The following KLK5 variants were observed in gnomAD, a reference collection of about 807,000 sequenced individuals.
The protein encoded by KLK5 is kallikrein-5.
Under a neutral mutation model 24.0 loss-of-function variants are expected in KLK5, and 18 were observed. The ratio of observed to expected loss-of-function variants is 0.75; its 90% CI spans 0.52 to 1.11. KLK5 has a LOEUF of 1.11. KLK5 is among the 50% of genes most tolerant of loss of function. The pLI, the probability that KLK5 is intolerant of heterozygous loss-of-function variation, is 0.00. For missense variants in KLK5, 374 were observed against 379.2 expected (o/e 0.99, Z 0.11); for synonymous variants, 140 against 154.0 (o/e 0.91, Z 0.67).
Position 50,950,106 on chromosome 19 carries a change from G to A in KLK5, c.84C>T (p.Leu28=), listed in dbSNP as rs373002910. ...ALLLGVTEHV[L]ANNDVSCDHP... Reference sequence around the variant, plus strand: ...GGTCACAGGAAACATCATTGTTGGCGAGAACATGCTCTGGGAACGGAAAAT... The same window carrying A: ...GGTCACAGGAAACATCATTGTTGGCAAGAACATGCTCTGGGAACGGAAAAT... Residue 28 remains leucine (L), a synonymous_variant, in exon 3 of 6, where the codon CTC becomes CTT. Coordinates refer to ENST00000336334, the MANE Select transcript of KLK5 (RefSeq NM_012427.5). 6 of 1,609,496 alleles carry A rather than the reference G, an allele frequency of 3.7e-6. No individual in the cohort carries two copies. Among genetic ancestry groups the A allele is most frequent in the African/African-American group, 1.3e-5 (1 of 74,964 alleles).
rs142427219 is a variant in KLK5 at position 50,945,782 on chromosome 19, C to T, written c.727-1996G>A. On this transcript the variant is annotated intron_variant, in intron 5 of 5. Transcript: ENST00000336334. The stretch of plus-strand genomic sequence containing the variant: ...CTCCAGCCTGGGTGACAGAGCGAGA[C>T]TCCGTCTCAAAAAAGAAAAGAAAAG... 3.3e-4 allele frequency among the ~76,000 whole-genome samples: 22 copies of T among 65,976 alleles called. No homozygotes were observed. In the East Asian group the frequency reaches 0.072, roughly 217 times the overall value. 43.3% of individuals were successfully genotyped at this position (65,976 alleles called of 152,430 possible).
At chr19:50,950,849 G>T in intron 2 of KLK5, among the ~76,000 whole-genome samples, 1 of 128,866 alleles carries the variant, frequency 7.8e-6, no homozygotes. Context: ...CCGAGATCAC[G>T]CCACTGCACT....
rs2123564154 is a variant in KLK5 at position 50,947,885 on chromosome 19, C to A, written c.726+755G>T. Reference sequence around the variant, plus strand: ...ATCTTTCCCTCTAGATCCGTGCCATCCAATACAGTAACTGCTAGCCACATG... The same window carrying A: ...ATCTTTCCCTCTAGATCCGTGCCATACAATACAGTAACTGCTAGCCACATG... On this transcript the variant is annotated intron_variant, in intron 5 of 5. Coordinates refer to ENST00000336334, the MANE Select transcript of KLK5 (RefSeq NM_012427.5). This position sits in a 1 kb window ranked among gnomAD's most constrained non-coding sequence, Gnocchi z 8.7. Among the ~76,000 whole-genome samples, 1 of 152,270 alleles carries A rather than the reference C, an allele frequency of 6.6e-6. No homozygotes were observed. Among genetic ancestry groups the A allele is most frequent in the South Asian group, 2.1e-4 (1 of 4,826 alleles).
rs2090657129 is a variant in KLK5, at chr19:50,948,739, G to A, written c.627C>T (p.Ile209=). The A allele has an allele frequency of 6.2e-7, 1 of 1,614,018 alleles. No individual in the cohort carries two copies. Among genetic ancestry groups the A allele is most frequent in the African/African-American group, 1.3e-5 (1 of 74,918 alleles). The change falls in exon 5 of 6, where the codon ATC becomes ATT. Residue 209 remains isoleucine (I), a synonymous_variant. Transcript: ENST00000336334. ...HFPKVLQCLN[I]SVLSQKRCED... ...CGCACCTTTTCTGACTTAGCACGCT[G>A]ATATTCAAGCACTGGAGGACCTTAG...
chr19:50,946,140 C>G (rs1485480279), intron 5 of KLK5, among the ~76,000 whole-genome samples: 1 of 152,262 alleles, frequency 6.6e-6, no homozygotes, highest in Non-Finnish European at 1.5e-5. Flanking sequence ...GCTGCCTGTA[C>G]CTCTAAATTT....
Position 50,947,536 on chromosome 19 carries a change from T to C in KLK5, c.726+1104A>G, listed in dbSNP as rs186945248. On this transcript the variant is annotated intron_variant, in intron 5 of 5. Coordinates refer to ENST00000336334, the MANE Select transcript of KLK5 (RefSeq NM_012427.5). The surrounding 1 kb of genome is among the most constrained non-coding windows in gnomAD (Gnocchi z 8.7). Reference sequence around the variant, plus strand: ...GGTTAACCTTTACCACTCTCTGAAATTGCCCTATTTATGCAGATTCTTGAC... The same window carrying C: ...GGTTAACCTTTACCACTCTCTGAAACTGCCCTATTTATGCAGATTCTTGAC... Among the ~76,000 whole-genome samples, 1 of 152,294 alleles carries C rather than the reference T, an allele frequency of 6.6e-6. No homozygotes were observed. Among genetic ancestry groups the C allele is most frequent in the African/African-American group, 2.4e-5 (1 of 41,556 alleles).
chr19:50,944,340 T>A (rs1216386109), intron 5 of KLK5, among the ~76,000 whole-genome samples: 1 of 152,106 alleles, frequency 6.6e-6, no homozygotes, highest in East Asian at 1.9e-4. Context: ...TTTGTCACTC[T>A]CCACTCCATC....
chr19:50,951,280 T>C (rs2090685558), intron 2 of KLK5, among the ~76,000 whole-genome samples: 2 of 152,042 alleles, frequency 1.3e-5, no homozygotes, highest in Admixed American at 1.3e-4. Flanking sequence ...TTTTTTTCTT[T>C]TTTTCTTTCG....
At chr19:50,951,667 C>T (rs1185200208) in intron 2 of KLK5, among the ~76,000 whole-genome samples, 1 of 152,328 alleles carries the variant, frequency 6.6e-6, no homozygotes, top group East Asian at 1.9e-4. Flanking sequence ...CAAGCACGCA[C>T]GCAGTTCTGC....
intron 5 of KLK5, among the ~76,000 whole-genome samples, chr19:50,946,979 G>T (rs971195492): frequency 2.0e-5 from 3 of 148,470 alleles, no homozygotes; most frequent in Admixed American, 1.3e-4. Context: ...TGTACAATTT[G>T]GGGGGAGCTT....
intron 2 of KLK5, 40 bp from the exon 3 acceptor site, chr19:50,950,156 G>T (rs1181312021): frequency 4.4e-6 from 7 of 1,588,058 alleles, no homozygotes; most frequent in African/African-American, 4.0e-5. Flanking sequence ...TCAGAGGCGG[G>T]GCTTGGGCTG....
intron 3 of KLK5, among the ~76,000 whole-genome samples, chr19:50,949,381 C>T (rs1224214969): frequency 1.3e-5 from 2 of 151,670 alleles, no homozygotes; most frequent in Non-Finnish European, 2.9e-5. Flanking sequence ...CCATCTCCAA[C>T]CCCACCCAAA....
Position 50,947,171 on chromosome 19 carries a change from T to TACAGCTTCCA in KLK5, c.726+1459_726+1468dup, listed in dbSNP as rs2123562317. On this transcript the variant is annotated intron_variant, in intron 5 of 5. Transcript: ENST00000336334. This position sits in a 1 kb window ranked among gnomAD's most constrained non-coding sequence, Gnocchi z 8.7. ...TTTAAATTCTGTCTTCCTCAACAGA[T>TACAGCTTCCA]ACAGCTTCCATTAGAACATAGGGAA... 6.6e-6 allele frequency among the ~76,000 whole-genome samples: 1 copy of TACAGCTTCCA among 152,330 alleles called. No individual in the cohort carries two copies. Among genetic ancestry groups the TACAGCTTCCA allele is most frequent in the African/African-American group, 2.4e-5 (1 of 41,572 alleles).
At chr19:50,952,157 G>A (rs1172404924) in intron 2 of KLK5, among the ~76,000 whole-genome samples, 1 of 54,092 alleles carries the variant, frequency 1.8e-5, no homozygotes, top group Non-Finnish European at 3.5e-5. Context: ...TTTGTTGCAC[G>A]CAATCCCGGG....
rs10415743 is a variant in KLK5, at chr19:50,947,968, C to A, written c.726+672G>T. Among the ~76,000 whole-genome samples, 55,122 of 152,050 alleles carry A rather than the reference C, an allele frequency of 0.36. 11,315 individuals are homozygous for A. The highest frequency in any genetic ancestry group is 0.56 in the African/African-American group (23,074 of 41,428). On this transcript the variant is annotated intron_variant, in intron 5 of 5. Transcript: ENST00000336334. This position sits in a 1 kb window ranked among gnomAD's most constrained non-coding sequence, Gnocchi z 8.7. ...AAATTGAGATGTGCTGTCAGCATAA[C>A]ATATATACTCACTTTCAAAGACTTA...
chr19:50,951,763 C>T (rs541306504), intron 2 of KLK5, among the ~76,000 whole-genome samples: 4 of 152,270 alleles, frequency 2.6e-5, no homozygotes, highest in South Asian at 2.1e-4. Flanking sequence ...CTAGCGGGAT[C>T]GCACACCCTC....
intron 5 of KLK5, among the ~76,000 whole-genome samples, chr19:50,948,422 C>T (rs1383167091): frequency 3.3e-5 from 5 of 152,090 alleles, no homozygotes; most frequent in Non-Finnish European, 7.4e-5. Flanking sequence ...TGCGCCCAGC[C>T]TTTTTTACCT....
chr19:50,946,808 C>T (rs569769151), intron 5 of KLK5, among the ~76,000 whole-genome samples: 30 of 152,274 alleles, frequency 2.0e-4, no homozygotes, highest in Admixed American at 1.6e-3. Context: ...ATCCACCCGC[C>T]TCGGCCTCCC....
intron 2 of KLK5, among the ~76,000 whole-genome samples, chr19:50,951,322 G>T (rs1296278266): frequency 6.6e-6 from 1 of 151,608 alleles, no homozygotes. Flanking sequence ...GCCCAGGCTG[G>T]AGTGCAATGG....
Sources: allele counts gnomAD v4.1 joint callset (sites outside exome capture counted in the v4.1 genomes callset), GRCh38; gene constraint gnomAD v4.1.1; non-coding constraint Gnocchi (gnomAD v3.1); transcripts MANE v1.5; gene names NCBI Gene and HGNC (gene_info 2026-07-23, HGNC 2026-07-21).